TET1: variants seen among roughly 807,000 people sequenced by gnomAD.
The protein encoded by TET1 is methylcytosine dioxygenase TET1.
A neutral mutation model predicts 148.7 loss-of-function variants in TET1; 13 were observed. The ratio of observed to expected loss-of-function variants is 0.09; its 90% CI spans 0.06 to 0.14. The LOEUF (loss-of-function observed/expected upper bound fraction) is 0.14. Among genes scored for constraint, TET1 ranks in the 10% least tolerant of loss-of-function variants. The probability of loss-of-function intolerance (pLI) is 1.00; values close to 1 mark genes in which losing one functional copy is unlikely to be tolerated. For synonymous variants in TET1, 907 were observed against 937.2 expected (o/e 0.97, Z 0.59); for missense variants, 2,182 against 2,553.8 (o/e 0.85, Z 3.14).
At chr10:68,585,707 C>T (rs539360082) in intron 2 of TET1, among the ~76,000 whole-genome samples, 1 of 151,882 alleles carries the variant, frequency 6.6e-6, no homozygotes, top group Non-Finnish European at 1.5e-5. Context: ...AAGAATCAGA[C>T]CACTTAAAAA....
At position 68,692,049 on chromosome 10, in the gene TET1, TAAAG is replaced by T; in HGVS notation, c.*239_*242del. The T allele has an allele frequency of 2.1e-6, 1 of 481,000 alleles. No individual in the cohort carries two copies. 29.8% of individuals were successfully genotyped at this position (481,000 alleles called of 1,614,324 possible). A position where few individuals can be genotyped will look rare whatever the true frequency, so the allele number is the denominator to read the frequency against. On this transcript the variant is annotated 3_prime_UTR_variant, in exon 12 of 12. Transcript: ENST00000373644. The stretch of plus-strand genomic sequence containing the variant: ...TAAAAGTTTTATAGTTTTAAATACA[TAAAG>T]AAATGTTTCAGTTAGGCATTAACCT...
At chr10:68,592,726 A>C (rs953120219) in intron 2 of TET1, among the ~76,000 whole-genome samples, 1 of 152,104 alleles carries the variant, frequency 6.6e-6, no homozygotes, top group African/African-American at 2.4e-5. Context: ...ATATCTTGCC[A>C]ACTCCTACCT....
At chr10:68,676,499 C>G (rs1324944491) in intron 8 of TET1, among the ~76,000 whole-genome samples, 5 of 151,484 alleles carry the variant, frequency 3.3e-5, no homozygotes, top group African/African-American at 1.2e-4. Context: ...TGATCTCAAT[C>G]TCTTGACCTT....
intron 6 of TET1, among the ~76,000 whole-genome samples, chr10:68,659,611 G>A (rs1361130724): frequency 4.6e-5 from 7 of 152,124 alleles, no homozygotes; most frequent in Non-Finnish European, 8.8e-5. Flanking sequence ...GAGCCACCGC[G>A]CCCGGCCAAT....
At chr10:68,600,212 C>A (rs937614501) in intron 2 of TET1, among the ~76,000 whole-genome samples, 1 of 152,132 alleles carries the variant, frequency 6.6e-6, no homozygotes, top group South Asian at 2.1e-4. Flanking sequence ...CAAATGCCCC[C>A]CTAGGCTCAG....
rs184991063 is a variant in TET1, at chr10:68,660,003, T to C, written c.4462-7042T>C. On this transcript the variant is annotated intron_variant, in intron 6 of 11. Transcript: ENST00000373644. ...TTGGAGGAGTTGGCCACTATAATTT[T>C]GTTTTGAAAAATTTACTCTACTTTG... Among the ~76,000 whole-genome samples the C allele has an allele frequency of 1.5e-3, 234 of 152,332 alleles. 1 individual carries two copies. The highest frequency in any genetic ancestry group is 2.9e-3 in the Non-Finnish European group (199 of 68,038).
Position 68,616,659 on chromosome 10 carries a change from CA to C in TET1, c.1968+15629del, listed in dbSNP as rs202153757. Among the ~76,000 whole-genome samples, 588 of 152,112 alleles carry C rather than the reference CA, an allele frequency of 3.9e-3. 4 individuals are homozygous for C. Among genetic ancestry groups the C allele is most frequent in the African/African-American group, 0.013 (555 of 41,500 alleles). On this transcript the variant is annotated intron_variant, in intron 3 of 11. Transcript: ENST00000373644. ...CACACGATCCTCTCGATTCAGCCTC[CA>C]AAATTGCTGGGATTACAGGTGCATG... is the stretch of plus-strand genomic sequence containing the variant.
intron 2 of TET1, among the ~76,000 whole-genome samples, chr10:68,594,669 A>G (rs113309686): frequency 0.032 from 4,844 of 152,254 alleles, 128 homozygotes; most frequent in African/African-American, 0.076. Flanking sequence ...AAATAAAACC[A>G]AACTAGCTTT....
chr10:68,570,266 G>A (rs1038686859), intron 1 of TET1, among the ~76,000 whole-genome samples: 2 of 151,632 alleles, frequency 1.3e-5, no homozygotes, highest in African/African-American at 2.4e-5. Context: ...CACCACGCCC[G>A]GCTAATTTTT....
chr10:68,661,993 A>T (rs2055126733), intron 6 of TET1, among the ~76,000 whole-genome samples: 1 of 150,422 alleles, frequency 6.6e-6, no homozygotes, highest in South Asian at 2.1e-4. Flanking sequence ...CTCATGCGTC[A>T]GCCTCCCCAG....
Position 68,646,863 on chromosome 10 carries a change from C to G in TET1, c.4134C>G (p.Ser1378=). 1 of 1,614,122 alleles carries G rather than the reference C, an allele frequency of 6.2e-7. No homozygotes were observed. The highest frequency in any genetic ancestry group is 8.5e-7 in the Non-Finnish European group (1 of 1,180,030). The change falls in exon 4 of 12, where the codon TCC becomes TCG. Residue 1378 remains serine (S), a synonymous_variant. Transcript: ENST00000373644. The part of the protein sequence containing the change: ...STKSEEEVCS[S]SFGTSEFSTV... ...AAAGTGAAGAGGAAGTCTGTTCATCCAGTTTTGGAACATCAGAATTTTCCA... is the reference window on the plus strand; with the variant it reads ...AAAGTGAAGAGGAAGTCTGTTCATCGAGTTTTGGAACATCAGAATTTTCCA...
At chr10:68,651,765 C>T (rs2054939155) in intron 4 of TET1, 81 bp from the exon 5 acceptor site, 4 of 1,029,908 alleles carry the variant, frequency 3.9e-6, no homozygotes, top group Non-Finnish European at 5.6e-6. Flanking sequence ...TGAGGGGGAA[C>T]AAAAAGTATA....
intron 1 of TET1, among the ~76,000 whole-genome samples, chr10:68,562,967 T>TA (rs1182660749): frequency 1.3e-5 from 2 of 152,184 alleles, no homozygotes; most frequent in Non-Finnish European, 2.9e-5. Flanking sequence ...CTCAGTTTTT[T>TA]ACTATACATT....
At chr10:68,639,728 A>T (rs2054714043) in intron 3 of TET1, among the ~76,000 whole-genome samples, 1 of 152,060 alleles carries the variant, frequency 6.6e-6, no homozygotes, top group African/African-American at 2.4e-5. Flanking sequence ...GGCCTTCCAA[A>T]GTGCTGGGAA....
At chr10:68,583,721 G>A (rs1408752425) in intron 2 of TET1, among the ~76,000 whole-genome samples, 1 of 152,038 alleles carries the variant, frequency 6.6e-6, no homozygotes, top group Non-Finnish European at 1.5e-5. Flanking sequence ...GACCATCCTG[G>A]CTAACATGGT....
chr10:68,660,278 TC>T (rs1450412063), intron 6 of TET1, among the ~76,000 whole-genome samples: 19 of 152,156 alleles, frequency 1.2e-4, no homozygotes, highest in Non-Finnish European at 2.6e-4. Context: ...CTTGGATACT[TC>T]CGCTTAGTTT....
At position 68,686,412 on chromosome 10, in the gene TET1, G is replaced by A; in HGVS notation, c.5109G>A (p.Glu1703=). 1 of 1,613,996 alleles carries A rather than the reference G, an allele frequency of 6.2e-7. No homozygotes were observed. The highest frequency in any genetic ancestry group is 1.3e-5 in the African/African-American group (1 of 75,012). ...CTTTGGGTGTTATTCCTCAAGATGAGCAGCTCCATGTGCTACCTCTTTATA... is the reference window on the plus strand; with the variant it reads ...CTTTGGGTGTTATTCCTCAAGATGAACAGCTCCATGTGCTACCTCTTTATA... The part of the protein sequence containing the change: ...NRSLGVIPQD[E]QLHVLPLYKL... Residue 1703 remains glutamate, a synonymous_variant, in exon 11 of 12, where the codon GAG becomes GAA. Coordinates refer to ENST00000373644, the MANE Select transcript of TET1 (RefSeq NM_030625.3).
chr10:68,624,009 C>T (rs188688442), intron 3 of TET1, among the ~76,000 whole-genome samples: 1 of 152,172 alleles, frequency 6.6e-6, no homozygotes, highest in Non-Finnish European at 1.5e-5. Flanking sequence ...GACTTGTGTA[C>T]ATGTTTCCTG....
intron 1 of TET1, among the ~76,000 whole-genome samples, chr10:68,569,683 G>A (rs1006840352): frequency 1.3e-5 from 2 of 152,120 alleles, no homozygotes; most frequent in East Asian, 1.9e-4. Flanking sequence ...TTGGGGAGGC[G>A]GGGAGGATTG....
Sources: gnomAD v4.1 joint callset for allele counts (sites outside exome capture counted in the v4.1 genomes callset) on GRCh38, gnomAD v4.1.1 for gene constraint, MANE v1.5 for transcripts, NCBI Gene and HGNC (gene_info 2026-07-23, HGNC 2026-07-21) for gene names.